The following HFE variants were observed in gnomAD, a reference collection of about 807,000 sequenced individuals.
The protein encoded by HFE is hereditary hemochromatosis protein.
Under a neutral mutation model 40.9 loss-of-function variants are expected in HFE, and 36 were observed. That is an observed-to-expected ratio of 0.88 (90% CI 0.67 to 1.16). The LOEUF (loss-of-function observed/expected upper bound fraction) is 1.16, where lower values mean the gene tolerates loss of function less well. Ranked by LOEUF, HFE falls within the 50% of genes most tolerant of loss-of-function variation. The pLI, the probability that HFE is intolerant of heterozygous loss-of-function variation, is 0.00. For missense variants in HFE, 376 were observed against 432.0 expected (o/e 0.87, Z 1.15); for synonymous variants, 157 against 165.4 (o/e 0.95, Z 0.39).
rs780563614 is a variant in HFE at position 26,091,387 on chromosome 6, C to G, written c.414C>G (p.Tyr138Ter). The change falls in exon 3 of 6, where the codon TAC becomes TAG. Residue 138 changes from tyrosine (Y) to a stop codon, truncating the protein, a stop_gained. Transcript: ENST00000357618. LOFTEE classifies it high-confidence loss of function. ...ACAGTACCGAGGGCTACTGGAAGTA[C>G]GGGTATGATGGGCAGGACCACCTTG... Reference protein sequence around the residue: ...EDNSTEGYWKYGYDGQDHLEF... With the variant: ...EDNSTEGYWK 4.3e-6 allele frequency: 7 copies of G among 1,613,988 alleles called. No individual in the cohort carries two copies. In the Admixed American group the frequency reaches 1.0e-4, roughly 23 times the overall value.
chr6:26,092,837 T>C lies in HFE; in HGVS notation c.769T>C (p.Leu257=), dbSNP rs2113761641. The C allele has an allele frequency of 3.1e-6, 5 of 1,614,206 alleles. No individual in the cohort carries two copies. The highest frequency in any genetic ancestry group is 4.2e-6 in the Non-Finnish European group (5 of 1,180,026). The part of the protein sequence containing the change: ...DAKEFEPKDV[L]PNGDGTYQGW... ...CAAGGAGTTCGAACCTAAAGACGTA[T>C]TGCCCAATGGGGATGGGACCTACCA... Residue 257 remains leucine, a synonymous_variant, in exon 4 of 6, where the codon TTG becomes CTG. Transcript: ENST00000357618.
intron 3 of HFE, among the ~76,000 whole-genome samples, chr6:26,092,004 G>A (rs571706160): frequency 1.6e-4 from 24 of 151,664 alleles, no homozygotes; most frequent in African/African-American, 4.8e-4. Context: ...GGTGAAACCC[G>A]TCTCTAAAAA....
At chr6:26,092,150 G>C (rs560038779) in intron 3 of HFE, among the ~76,000 whole-genome samples, 1 of 134,850 alleles carries the variant, frequency 7.4e-6, no homozygotes, top group East Asian at 2.2e-4. Flanking sequence ...CTCCAGCCTA[G>C]GCAGCAGAGT....
In HFE at chr6:26,091,475, G is replaced by T. The variant is rs146519482; in HGVS notation, c.502G>T (p.Glu168Ter). 2 of 1,614,190 alleles carry T rather than the reference G, an allele frequency of 1.2e-6. No homozygotes were observed. Among genetic ancestry groups the T allele is most frequent in the Non-Finnish European group, 8.5e-7 (1 of 1,180,024 alleles). ...ACCCAGGGCCTGGCCCACCAAGCTGGAGTGGGAAAGGCACAAGATTCGGGC... is the reference window on the plus strand; with the variant it reads ...ACCCAGGGCCTGGCCCACCAAGCTGTAGTGGGAAAGGCACAAGATTCGGGC... ...AEPRAWPTKL[E>*]WERHKIRARQ... The change falls in exon 3 of 6, where the codon GAG (glutamate) becomes TAG (stop). Residue 168 changes from glutamate to a stop codon, truncating the protein, a stop_gained. Coordinates refer to ENST00000357618, the MANE Select transcript of HFE (RefSeq NM_000410.4). LOFTEE classifies it high-confidence loss of function.
intron 3 of HFE, among the ~76,000 whole-genome samples, chr6:26,091,953 T>A (rs1581669276): frequency 6.6e-6 from 1 of 151,568 alleles, no homozygotes; most frequent in Non-Finnish European, 1.5e-5. Context: ...CCGAGGCGGG[T>A]GGTCACAAGG....
At chr6:26,092,172 T>A (rs1762758561) in intron 3 of HFE, among the ~76,000 whole-genome samples, 1 of 70,730 alleles carries the variant, frequency 1.4e-5, no homozygotes, top group Non-Finnish European at 2.6e-5. Context: ...AGACTCCATC[T>A]TAAAAAAAAA....
chr6:26,090,781 G>T, intron 1 of HFE, 60 bp from the exon 2 acceptor site: 1 of 1,569,862 alleles, frequency 6.4e-7, no homozygotes, highest in Non-Finnish European at 8.8e-7. Context: ...GGTGTGTGGA[G>T]CCTCAACATC....
rs780246573 is a variant in HFE, at chr6:26,092,860, C to T, written c.792C>T (p.Tyr264=). 7 of 1,614,184 alleles carry T rather than the reference C, an allele frequency of 4.3e-6. No homozygotes were observed. The highest frequency in any genetic ancestry group is 4.2e-6 in the Non-Finnish European group (5 of 1,180,042). The change falls in exon 4 of 6, where the codon TAC becomes TAT. Residue 264 remains tyrosine (Y), a synonymous_variant. Coordinates refer to ENST00000357618, the MANE Select transcript of HFE (RefSeq NM_000410.4). Reference sequence around the variant, plus strand: ...TATTGCCCAATGGGGATGGGACCTACCAGGGCTGGATAACCTTGGCTGTAC... The same window carrying T: ...TATTGCCCAATGGGGATGGGACCTATCAGGGCTGGATAACCTTGGCTGTAC... The part of the protein sequence containing the change: ...KDVLPNGDGT[Y]QGWITLAVPP...
rs954050879 is a variant in HFE, at chr6:26,091,483, A to G, written c.510A>G (p.Glu170=). ...PRAWPTKLEW[E]RHKIRARQNR... ...CCTGGCCCACCAAGCTGGAGTGGGA[A>G]AGGCACAAGATTCGGGCCAGGCAGA... Residue 170 remains glutamate, a synonymous_variant, in exon 3 of 6, where the codon GAA becomes GAG. Coordinates refer to ENST00000357618, the MANE Select transcript of HFE (RefSeq NM_000410.4). 1.2e-6 allele frequency: 2 copies of G among 1,614,030 alleles called. No homozygotes were observed. Among genetic ancestry groups the G allele is most frequent in the African/African-American group, 2.7e-5 (2 of 74,926 alleles).
chr6:26,097,197 G>A lies in HFE; in HGVS notation c.*2971G>A, dbSNP rs1171747868. On this transcript the variant is annotated 3_prime_UTR_variant, in exon 6 of 6. Transcript: ENST00000357618. ...GTTTTATATTGGTTTTATTTCACCT[G>A]GGCTGAGATTTCAAGAAACACCCCA... 6.6e-6 allele frequency: 1 copy of A among 152,110 alleles called. No homozygotes were observed. The highest frequency in any genetic ancestry group is 1.9e-4 in the East Asian group (1 of 5,192). 9.4% of individuals were successfully genotyped at this position (152,110 alleles called of 1,614,324 possible).
chr6:26,089,115 G>T (rs1194067934), intron 1 of HFE, among the ~76,000 whole-genome samples: 9 of 148,368 alleles, frequency 6.1e-5, no homozygotes, highest in African/African-American at 1.3e-4. Context: ...GTGTGGGGGG[G>T]GGGGGCGGCG....
In HFE at chr6:26,091,109, G is replaced by A. The variant is rs770500256; in HGVS notation, c.340+5G>A. ...AAAATCACAACCACAGCAAGGGTATGTGGAGAGGGGGCCTCACCTTCCTGA... is the reference window on the plus strand; with the variant it reads ...AAAATCACAACCACAGCAAGGGTATATGGAGAGGGGGCCTCACCTTCCTGA... On this transcript the variant is annotated splice_donor_5th_base_variant and intron_variant, in intron 2 of 5. Coordinates refer to ENST00000357618, the MANE Select transcript of HFE (RefSeq NM_000410.4). 3 of 1,614,192 alleles carry A rather than the reference G, an allele frequency of 1.9e-6. No individual in the cohort carries two copies. Among genetic ancestry groups the A allele is most frequent in the Admixed American group, 1.7e-5 (1 of 60,022 alleles).
At chr6:26,090,293 A>C (rs1306995427) in intron 1 of HFE, among the ~76,000 whole-genome samples, 5 of 151,832 alleles carry the variant, frequency 3.3e-5, no homozygotes, top group Admixed American at 2.6e-4. Context: ...AAATACAAAA[A>C]TTAGCCTGGT....
chr6:26,097,916 C>G lies in HFE; in HGVS notation c.*3690C>G, dbSNP rs1210242740. The G allele has an allele frequency of 6.6e-6, 1 of 152,146 alleles. No homozygotes were observed. Among genetic ancestry groups the G allele is most frequent in the Non-Finnish European group, 1.5e-5 (1 of 68,028 alleles). 9.4% of individuals were successfully genotyped at this position (152,146 alleles called of 1,614,324 possible). On this transcript the variant is annotated 3_prime_UTR_variant, in exon 6 of 6. Coordinates refer to ENST00000357618, the MANE Select transcript of HFE (RefSeq NM_000410.4). ...AATTTTTCATAAACTCAGTTTTAAA[C>G]TAACTTTTTTTCAAACCACAATCTG...
rs1301760573 is a variant in HFE at position 26,093,121 on chromosome 6, C to A, written c.895C>A (p.Pro299Thr). The change falls in exon 5 of 6, where the codon CCC (proline) becomes ACC (threonine). Residue 299 changes from proline to threonine, a missense_variant and splice_region_variant. Around this residue, in one of 3 missense-constraint regions of HFE, gnomAD observed 173 missense variants for 186.9 expected, o/e 0.93. Coordinates refer to ENST00000357618, the MANE Select transcript of HFE (RefSeq NM_000410.4). The part of the protein sequence containing the change: ...LDQPLIVIWE[P>T]SPSGTLVIGV... ...TTAACTTGCTTTTTCTGTTTTAGAG[C>A]CCTCACCGTCTGGCACCCTAGTCAT... is the stretch of plus-strand genomic sequence containing the variant. 1 of 1,613,762 alleles carries A rather than the reference C, an allele frequency of 6.2e-7. No homozygotes were observed. Among genetic ancestry groups the A allele is most frequent in the African/African-American group, 1.3e-5 (1 of 74,896 alleles).
chr6:26,095,851 C>A lies in HFE; in HGVS notation c.*1625C>A, dbSNP rs1763007505. Reference sequence around the variant, plus strand: ...CTCTTTGGCATTCATTTCTTTGGACCCTACGCAAGGACTGTAATTGGTGGG... The same window carrying A: ...CTCTTTGGCATTCATTTCTTTGGACACTACGCAAGGACTGTAATTGGTGGG... On this transcript the variant is annotated 3_prime_UTR_variant, in exon 6 of 6. Transcript: ENST00000357618. The A allele has an allele frequency of 6.6e-6, 1 of 152,326 alleles. No individual in the cohort carries two copies. The allele number at this position is 152,326 out of a possible 1,614,324, so 9.4% of individuals were successfully genotyped here. A position where few individuals can be genotyped will look rare whatever the true frequency, so the allele number is the denominator to read the frequency against.
rs62625350 is a variant in HFE at position 26,094,522 on chromosome 6, A to T, written c.*296A>T. ...TCATTTCCTCCGTCACCTCAGAGAC[A>T]TACACCTATGTCATTTCATTTCCTA... On this transcript the variant is annotated 3_prime_UTR_variant, in exon 6 of 6. Transcript: ENST00000357618. 5.5e-3 allele frequency: 3,815 copies of T among 699,578 alleles called. 92 individuals are homozygous for T. The highest frequency in any genetic ancestry group is 0.052 in the East Asian group (1,931 of 37,256). The allele number at this position is 699,578 out of a possible 1,614,324, so 43.3% of individuals were successfully genotyped here.
At chr6:26,092,459 A>G in intron 3 of HFE, 3 of 705,178 alleles carry the variant, frequency 4.3e-6, no homozygotes, top group Non-Finnish European at 7.5e-6. Flanking sequence ...CATGGGTAAC[A>G]GATATGTATA....
rs111445905 is a variant in HFE, at chr6:26,096,590, A to C, written c.*2364A>C. The C allele has an allele frequency of 1.5e-5, 7 of 456,118 alleles. No individual in the cohort carries two copies. The highest frequency in any genetic ancestry group is 4.0e-5 in the African/African-American group (2 of 50,160). The allele number at this position is 456,118 out of a possible 1,614,324, so 28.3% of individuals were successfully genotyped here. ...TCAGAAGTTTCTTCTTTAGGCATTA[A>C]ATTTTAGCAAAGATATCTCATCTCT... On this transcript the variant is annotated 3_prime_UTR_variant, in exon 6 of 6. Transcript: ENST00000357618.
Sources: allele counts gnomAD v4.1 joint callset (sites outside exome capture counted in the v4.1 genomes callset), GRCh38; gene constraint gnomAD v4.1.1; regional missense constraint gnomAD v4.1.1; transcripts MANE v1.5; gene names NCBI Gene and HGNC (gene_info 2026-07-23, HGNC 2026-07-21).